Variants in XKR6 observed in about 807,000 individuals in gnomAD.
XKR6 encodes XK related 6.
XKR6 carries 22 observed loss-of-function variants against 56.7 expected under a neutral mutation model. The ratio of observed to expected loss-of-function variants is 0.39; its 90% CI spans 0.28 to 0.55. The LOEUF is 0.55. Ranked by LOEUF, XKR6 falls within the 20% of genes least tolerant of loss-of-function variation. The pLI is 0.66. For missense variants in XKR6, 852 were observed against 889.0 expected (o/e 0.96, Z 0.53); for synonymous variants, 524 against 387.8 (o/e 1.35, Z -4.13).
At chr8:11,165,833 T>C (rs530782767) in intron 1 of XKR6, among the ~76,000 whole-genome samples, 10 of 152,282 alleles carry the variant, frequency 6.6e-5, no homozygotes, top group African/African-American at 2.2e-4. Flanking sequence ...TGTCTTCTCC[T>C]GCATATACTG....
intron 1 of XKR6, among the ~76,000 whole-genome samples, chr8:11,035,822 CA>C (rs1799126685): frequency 6.6e-6 from 1 of 151,884 alleles, no homozygotes; most frequent in Non-Finnish European, 1.5e-5. Context: ...TGAAATGCCA[CA>C]GGTCTGATTT....
At position 10,966,844 on chromosome 8, in the gene XKR6, T is replaced by G. The variant is rs1802239632; in HGVS notation, c.765-42014A>C. Among the ~76,000 whole-genome samples, 3 of 152,160 alleles carry G rather than the reference T, an allele frequency of 2.0e-5. No individual in the cohort carries two copies. In the South Asian group the frequency reaches 6.2e-4, roughly 32 times the overall value. On this transcript the variant is annotated intron_variant, in intron 1 of 2. Transcript: ENST00000416569. ...CGTCTGAGAAGCCGTGGTCTAAACC[T>G]TGGCCACCTGTGAGAATCACCTGAC... is the stretch of plus-strand genomic sequence containing the variant.
At chr8:11,057,224 C>A (rs1458802687) in intron 1 of XKR6, among the ~76,000 whole-genome samples, 2 of 152,214 alleles carry the variant, frequency 1.3e-5, no homozygotes, top group Non-Finnish European at 2.9e-5. Flanking sequence ...CCCCCCTACT[C>A]CACACTGCCT....
intron 1 of XKR6, among the ~76,000 whole-genome samples, chr8:11,110,584 T>C (rs1481873985): frequency 1.3e-5 from 2 of 152,192 alleles, no homozygotes; most frequent in East Asian, 1.9e-4. Context: ...TTGCTCTGAA[T>C]GTCGTCTTAA....
intron 1 of XKR6, among the ~76,000 whole-genome samples, chr8:10,970,765 G>A (rs1018119911): frequency 2.0e-5 from 3 of 147,766 alleles, no homozygotes; most frequent in Non-Finnish European, 4.5e-5. Context: ...TAATATTTTT[G>A]CCCTTAGATT....
Position 10,898,257 on chromosome 8 carries a change from C to G in XKR6, c.1621G>C (p.Val541Leu). Residue 541 changes from valine (V) to leucine (L), a missense_variant, in exon 3 of 3, where the codon GTT (valine) becomes CTT (leucine). Transcript: ENST00000416569. This position sits in a 1 kb window ranked among gnomAD's most constrained non-coding sequence, Gnocchi z 6.6. Reference sequence around the variant, plus strand: ...TCCGTTACGGCTCTGGTGGGCGTAACCTGGGTCCCCCGGTACCCAGGGATC... The same window carrying G: ...TCCGTTACGGCTCTGGTGGGCGTAAGCTGGGTCCCCCGGTACCCAGGGATC... Reference protein sequence around the residue: ...PEIPGYRGTQVTPTRAVTEQQ... With the variant: ...PEIPGYRGTQLTPTRAVTEQQ... The G allele has an allele frequency of 6.8e-6, 11 of 1,614,140 alleles. No homozygotes were observed. The highest frequency in any genetic ancestry group is 9.3e-6 in the Non-Finnish European group (11 of 1,180,014).
intron 1 of XKR6, among the ~76,000 whole-genome samples, chr8:11,019,047 C>G (rs1389597114): frequency 1.3e-5 from 2 of 152,186 alleles, no homozygotes; most frequent in African/African-American, 4.8e-5. Context: ...GTTAAAATTT[C>G]ACTCCTTCTT....
chr8:11,106,410 G>A (rs920319924), intron 1 of XKR6: 7 of 152,228 alleles, frequency 4.6e-5, no homozygotes, highest in African/African-American at 1.7e-4. Context: ...CCATGCCTGA[G>A]GCACCCTTAG....
chr8:11,159,176 C>G (rs73198960), intron 1 of XKR6, among the ~76,000 whole-genome samples: 1 of 152,294 alleles, frequency 6.6e-6, no homozygotes, highest in African/African-American at 2.4e-5. Flanking sequence ...TACTAACATC[C>G]ACCATATATT....
chr8:11,196,486 G>C (rs1340822659), intron 1 of XKR6, among the ~76,000 whole-genome samples: 4 of 152,122 alleles, frequency 2.6e-5, no homozygotes, highest in Non-Finnish European at 5.9e-5. Context: ...AGTACCATTA[G>C]TGCATACCCT....
intron 1 of XKR6, among the ~76,000 whole-genome samples, chr8:11,169,669 T>C (rs1007885335): frequency 1.3e-5 from 2 of 152,154 alleles, no homozygotes; most frequent in African/African-American, 2.4e-5. Flanking sequence ...GGTACAGAGT[T>C]TCTGCTAGGG....
At chr8:10,954,824 T>C (rs58492392) in intron 1 of XKR6, among the ~76,000 whole-genome samples, 1 of 32,350 alleles carries the variant, frequency 3.1e-5, no homozygotes, top group South Asian at 6.2e-4. Flanking sequence ...TTTTGACTTG[T>C]TTTTTTTTGT....
intron 1 of XKR6, among the ~76,000 whole-genome samples, chr8:11,088,829 A>G (rs1211992642): frequency 6.6e-6 from 1 of 152,270 alleles, no homozygotes; most frequent in African/African-American, 2.4e-5. Context: ...AGCAAGATTA[A>G]GTGAACTTTA....
intron 1 of XKR6, among the ~76,000 whole-genome samples, chr8:11,049,219 T>C (rs1322123453): frequency 6.6e-6 from 1 of 152,246 alleles, no homozygotes; most frequent in East Asian, 1.9e-4. Flanking sequence ...TTCTAATGGC[T>C]GCAAGGCACC....
chr8:11,187,288 C>T (rs1018932457), intron 1 of XKR6, among the ~76,000 whole-genome samples: 2 of 152,146 alleles, frequency 1.3e-5, no homozygotes, highest in African/African-American at 2.4e-5. Flanking sequence ...TAGACAAGGG[C>T]CAACAAAGCA....
chr8:11,151,598 G>A (rs773664132), intron 1 of XKR6, among the ~76,000 whole-genome samples: 4 of 152,078 alleles, frequency 2.6e-5, no homozygotes, highest in African/African-American at 4.8e-5. Flanking sequence ...CAGAAGCAAC[G>A]GCGCAGTCTG....
At chr8:11,158,248 G>A (rs753949950) in intron 1 of XKR6, among the ~76,000 whole-genome samples, 1 of 152,160 alleles carries the variant, frequency 6.6e-6, no homozygotes, top group African/African-American at 2.4e-5. Context: ...CGGTCTGAGC[G>A]AGATTATTAT....
intron 1 of XKR6, among the ~76,000 whole-genome samples, chr8:11,198,306 T>C (rs533116572): frequency 6.6e-6 from 1 of 152,002 alleles, no homozygotes; most frequent in African/African-American, 2.4e-5. Context: ...GGAAAAAAAA[T>C]TTTTTTAATA....
intron 1 of XKR6, among the ~76,000 whole-genome samples, chr8:10,986,382 T>C (rs887441832): frequency 6.6e-6 from 1 of 152,214 alleles, no homozygotes. Context: ...TTTCTAAATA[T>C]AACATGATGC....
Sources: allele counts gnomAD v4.1 joint callset (sites outside exome capture counted in the v4.1 genomes callset), GRCh38; gene constraint gnomAD v4.1.1; non-coding constraint Gnocchi (gnomAD v3.1); transcripts MANE v1.5; gene names NCBI Gene and HGNC (gene_info 2026-07-23, HGNC 2026-07-21).